Variants in ZBTB8OS observed in about 807,000 individuals in gnomAD.
The protein encoded by ZBTB8OS is tRNA-splicing ligase-activating factor archease.
A neutral mutation model predicts 29.3 loss-of-function variants in ZBTB8OS; 16 were observed. That is an observed-to-expected ratio of 0.55 (90% CI 0.37 to 0.83). The LOEUF (loss-of-function observed/expected upper bound fraction) is 0.83. Ranked by LOEUF, ZBTB8OS falls within the 40% of genes least tolerant of loss-of-function variation. The probability of loss-of-function intolerance (pLI) is 0.00; values close to 1 mark genes in which losing one functional copy is unlikely to be tolerated. For synonymous variants in ZBTB8OS, 70 were observed against 64.6 expected, an observed-to-expected ratio of 1.08 and a Z score of -0.40; for missense variants, 160 against 196.9, an observed-to-expected ratio of 0.81 and a Z score of 1.12.
intron 4 of ZBTB8OS, 128 bp downstream of exon 4, chr1:32,633,517 C>T: frequency 1.5e-6 from 1 of 674,624 alleles, no homozygotes; most frequent in Non-Finnish European, 2.5e-6. Flanking sequence ...ATAATCTCTG[C>T]AAATCAGTAT....
chr1:32,650,342 G>A, intron 1 of ZBTB8OS, 91 bp downstream of exon 1: 3 of 1,523,578 alleles, frequency 2.0e-6, no homozygotes, highest in Non-Finnish European at 1.8e-6. Flanking sequence ...TACCCATGGG[G>A]CACAGTAGAA....
At chr1:32,646,531 G>A (rs1037097989) in intron 1 of ZBTB8OS, among the ~76,000 whole-genome samples, 2 of 151,344 alleles carry the variant, frequency 1.3e-5, no homozygotes, top group African/African-American at 4.9e-5. Context: ...GGGACTACAG[G>A]CGCCCGCCAC....
upstream of ZBTB8OS, chr1:32,650,696 T>A (rs1175228111): frequency 7.0e-6 from 9 of 1,284,008 alleles, no homozygotes; most frequent in Non-Finnish European, 7.5e-6. Context: ...GCCGCTTGGA[T>A]CGCATATTTA....
intron 6 of ZBTB8OS, among the ~76,000 whole-genome samples, chr1:32,627,199 A>G (rs1645191366): frequency 1.3e-5 from 2 of 152,216 alleles, no homozygotes; most frequent in Non-Finnish European, 2.9e-5. Flanking sequence ...AGAAGGCACA[A>G]TAGAGAACAT....
chr1:32,625,947 A>G (rs1645100696), intron 6 of ZBTB8OS, among the ~76,000 whole-genome samples: 1 of 150,634 alleles, frequency 6.6e-6, no homozygotes, highest in South Asian at 2.1e-4. Flanking sequence ...ATCTCCGCTC[A>G]CTGCAACCTC....
Position 32,633,934 on chromosome 1 carries a change from G to A in ZBTB8OS, c.244+17C>T, listed in dbSNP as rs1265907710. ...AGTACTGTATAACAATTTCTTCCTT[G>A]TGAATAAATCATTTACCTTGGGTTT... On this transcript the variant is annotated intron_variant, in intron 3 of 6. Coordinates refer to ENST00000468695, the MANE Select transcript of ZBTB8OS (RefSeq NM_178547.5). 1 of 1,554,962 alleles carries A rather than the reference G, an allele frequency of 6.4e-7. No individual in the cohort carries two copies. Among genetic ancestry groups the A allele is most frequent in the Non-Finnish European group, 8.6e-7 (1 of 1,159,456 alleles).
At chr1:32,638,021 T>C (rs1311608697) in intron 1 of ZBTB8OS, among the ~76,000 whole-genome samples, 1 of 151,776 alleles carries the variant, frequency 6.6e-6, no homozygotes, top group East Asian at 1.9e-4. Flanking sequence ...TTTTTAAGTA[T>C]AGACAGGATT....
intron 1 of ZBTB8OS, chr1:32,640,111 T>A (rs1570650593): frequency 6.6e-6 from 1 of 152,142 alleles, no homozygotes; most frequent in Non-Finnish European, 1.5e-5. Context: ...ATGGTATTTT[T>A]TTTTTGAGAC....
intron 1 of ZBTB8OS, among the ~76,000 whole-genome samples, chr1:32,640,242 G>A (rs888787210): frequency 6.6e-6 from 1 of 151,836 alleles, no homozygotes; most frequent in African/African-American, 2.4e-5. Flanking sequence ...GATTACAGGC[G>A]CACGCCACCA....
At chr1:32,645,704 A>C (rs1053940309) in intron 1 of ZBTB8OS, among the ~76,000 whole-genome samples, 1 of 152,092 alleles carries the variant, frequency 6.6e-6, no homozygotes, top group African/African-American at 2.4e-5. Context: ...CCAAAAGACC[A>C]AGCCGAGTCT....
intron 6 of ZBTB8OS, among the ~76,000 whole-genome samples, chr1:32,623,796 C>T (rs1345413037): frequency 6.6e-6 from 1 of 152,218 alleles, no homozygotes; most frequent in East Asian, 1.9e-4. Context: ...GCTCACTCCT[C>T]ATCTCTCTTG....
At position 32,647,041 on chromosome 1, in the gene ZBTB8OS, C is replaced by CAA. The variant is rs71006347; in HGVS notation, c.97+3390_97+3391dup. ...TGGGAGACAGAGCAAGATACTGTCT[C>CAA]AAAAAAAAAAAAAAAAAAAAAAAAA... is the stretch of plus-strand genomic sequence containing the variant. On this transcript the variant is annotated intron_variant, in intron 1 of 6. Coordinates refer to ENST00000468695, the MANE Select transcript of ZBTB8OS (RefSeq NM_178547.5). Among the ~76,000 whole-genome samples, 258 of 39,386 alleles carry CAA rather than the reference C, an allele frequency of 6.6e-3. 76 individuals carry two copies. The highest frequency in any genetic ancestry group is 0.033 in the East Asian group (29 of 880). The allele number at this position is 39,386 out of a possible 152,430, so 25.8% of individuals were successfully genotyped here.
chr1:32,648,543 G>GT (rs1350920884), intron 1 of ZBTB8OS, among the ~76,000 whole-genome samples: 2 of 152,180 alleles, frequency 1.3e-5, no homozygotes, highest in Non-Finnish European at 2.9e-5. Context: ...TAAGAAAAAG[G>GT]TAACGATGAC....
intron 6 of ZBTB8OS, among the ~76,000 whole-genome samples, chr1:32,624,115 C>T (rs942713112): frequency 2.6e-5 from 4 of 152,186 alleles, no homozygotes; most frequent in African/African-American, 9.7e-5. Flanking sequence ...TTCCTGAGGT[C>T]TCCCCAGCCA....
chr1:32,637,565 C>CAA (rs767552219), intron 1 of ZBTB8OS, among the ~76,000 whole-genome samples: 12 of 126,020 alleles, frequency 9.5e-5, no homozygotes, highest in Admixed American at 4.8e-4. Context: ...AAGACTGCCT[C>CAA]AAAAAAAAAA....
chr1:32,638,634 T>A (rs184470916), intron 1 of ZBTB8OS, among the ~76,000 whole-genome samples: 2 of 152,188 alleles, frequency 1.3e-5, no homozygotes, highest in Non-Finnish European at 2.9e-5. Context: ...AACAATAGGC[T>A]GGGTGTGGTG....
intron 1 of ZBTB8OS, among the ~76,000 whole-genome samples, chr1:32,638,925 TAAC>T (rs989801911): frequency 2.0e-4 from 31 of 152,112 alleles, no homozygotes; most frequent in African/African-American, 7.2e-4. Flanking sequence ...AAAATAATAA[TAAC>T]AATAATAATC....
chr1:32,631,181 C>T (rs1052592580), intron 5 of ZBTB8OS, among the ~76,000 whole-genome samples: 4 of 151,394 alleles, frequency 2.6e-5, no homozygotes, highest in African/African-American at 9.7e-5. Flanking sequence ...CATGGGGAGA[C>T]CCCATCTCTT....
chr1:32,624,808 C>T (rs1312232557), intron 6 of ZBTB8OS, among the ~76,000 whole-genome samples: 1 of 151,632 alleles, frequency 6.6e-6, no homozygotes, highest in African/African-American at 2.4e-5. Flanking sequence ...ACAGGAGAAT[C>T]GCTTGAACCT....
Sources: gnomAD v4.1 joint callset for allele counts (sites outside exome capture counted in the v4.1 genomes callset) on GRCh38, gnomAD v4.1.1 for gene constraint, MANE v1.5 for transcripts, NCBI Gene and HGNC (gene_info 2026-07-23, HGNC 2026-07-21) for gene names.